The following TENM3 variants were observed in gnomAD, a reference collection of about 807,000 sequenced individuals.
TENM3 encodes teneurin-3.
Under a neutral mutation model 255.1 loss-of-function variants are expected in TENM3, and 63 were observed. That is an observed-to-expected ratio of 0.25 (90% CI 0.20 to 0.30). TENM3 has a LOEUF of 0.30. TENM3 is among the 10% of genes least tolerant of loss of function. The pLI, the probability that TENM3 is intolerant of heterozygous loss-of-function variation, is 1.00. For missense variants in TENM3, 2,929 were observed against 3,461.1 expected (o/e 0.85, Z 3.86); for synonymous variants, 1,306 against 1,322.3 (o/e 0.99, Z 0.27).
chr4:182,247,446 C>T (rs1265533079), intron 1 of TENM3, among the ~76,000 whole-genome samples: 1 of 152,202 alleles, frequency 6.6e-6, no homozygotes. Flanking sequence ...AGGCAGAACT[C>T]ACCCGCCTTA....
chr4:181,729,765 T>C, the TENM3 span, among the ~76,000 whole-genome samples: 1 of 152,164 alleles, frequency 6.6e-6, no homozygotes, highest in Non-Finnish European at 1.5e-5. Context: ...GTCATTGTCT[T>C]TGTCGGAGCC....
At chr4:181,748,589 C>T in the TENM3 span, among the ~76,000 whole-genome samples, 10 of 151,942 alleles carry the variant, frequency 6.6e-5, no homozygotes, top group South Asian at 2.1e-4. Flanking sequence ...AGCCAGAAGG[C>T]GAGTAAAGAA....
chr4:182,551,984 C>T (rs1438867646), intron 3 of TENM3, among the ~76,000 whole-genome samples: 1 of 150,784 alleles, frequency 6.6e-6, no homozygotes. Flanking sequence ...CATCATGACA[C>T]CACTGCACTC....
At chr4:181,723,294 T>C in the TENM3 span, among the ~76,000 whole-genome samples, 2 of 150,824 alleles carry the variant, frequency 1.3e-5, no homozygotes, top group East Asian at 3.9e-4. Flanking sequence ...TGTGACCCTG[T>C]CTTCTTAGAA....
chr4:182,654,706 G>GTGT (rs1444202913), intron 6 of TENM3, among the ~76,000 whole-genome samples: 1 of 151,946 alleles, frequency 6.6e-6, no homozygotes, highest in Non-Finnish European at 1.5e-5. Context: ...TAGTATATTG[G>GTGT]TGTTCAGCTT....
At chr4:182,478,880 C>T (rs1156427095) in intron 3 of TENM3, among the ~76,000 whole-genome samples, 2 of 151,722 alleles carry the variant, frequency 1.3e-5, no homozygotes, top group Non-Finnish European at 2.9e-5. Flanking sequence ...TTTTAAAGTA[C>T]TCCTTTTGTT....
At chr4:181,765,122 T>G in the TENM3 span, among the ~76,000 whole-genome samples, 1 of 152,244 alleles carries the variant, frequency 6.6e-6, no homozygotes, top group Non-Finnish European at 1.5e-5. Flanking sequence ...TCCTACACTA[T>G]TTGATTCAGA....
intron 3 of TENM3, among the ~76,000 whole-genome samples, chr4:182,421,998 T>A (rs895668751): frequency 1.3e-5 from 2 of 152,114 alleles, no homozygotes; most frequent in Non-Finnish European, 2.9e-5. Context: ...AATCCCACTG[T>A]GGTTAGAAAA....
At chr4:181,702,251 C>T in the TENM3 span, among the ~76,000 whole-genome samples, 13 of 152,282 alleles carry the variant, frequency 8.5e-5, no homozygotes, top group African/African-American at 2.9e-4. Context: ...GTCCTTCGGT[C>T]TCAGTAAGAT....
intron 13 of TENM3, among the ~76,000 whole-genome samples, chr4:182,721,237 G>T (rs760840963): frequency 1.6e-4 from 25 of 152,120 alleles, no homozygotes; most frequent in Non-Finnish European, 2.8e-4. Flanking sequence ...AGAAGTCGTG[G>T]TACAGAGATA....
chr4:181,908,733 G>A, the TENM3 span, among the ~76,000 whole-genome samples: 1 of 152,130 alleles, frequency 6.6e-6, no homozygotes, highest in South Asian at 2.1e-4. Flanking sequence ...GGAGTTTGTA[G>A]GAAGTTTAAT....
At chr4:181,938,544 A>G in the TENM3 span, among the ~76,000 whole-genome samples, 1 of 152,236 alleles carries the variant, frequency 6.6e-6, no homozygotes, top group Non-Finnish European at 1.5e-5. Context: ...AGTATCACTT[A>G]GTAGCCGATA....
At chr4:181,480,539 T>TAAG in the TENM3 span, among the ~76,000 whole-genome samples, 3 of 152,078 alleles carry the variant, frequency 2.0e-5, no homozygotes, top group Non-Finnish European at 4.4e-5. Context: ...CCACTATTAA[T>TAAG]AAGTTGGCTG....
chr4:182,107,107 C>G, the TENM3 span, among the ~76,000 whole-genome samples: 1 of 151,834 alleles, frequency 6.6e-6, no homozygotes, highest in South Asian at 2.1e-4. Flanking sequence ...GGCAGGTTCA[C>G]TGTGCGCTGG....
At chr4:181,708,488 G>A in the TENM3 span, among the ~76,000 whole-genome samples, 1 of 151,982 alleles carries the variant, frequency 6.6e-6, no homozygotes, top group African/African-American at 2.4e-5. Flanking sequence ...CAACCTTCAT[G>A]AAGAAAAGGT....
At chr4:181,674,501 C>G in the TENM3 span, among the ~76,000 whole-genome samples, 2 of 151,452 alleles carry the variant, frequency 1.3e-5, no homozygotes, top group Non-Finnish European at 2.9e-5. Context: ...CAAGACTTCT[C>G]AGAAGCCTTA....
intron 12 of TENM3, among the ~76,000 whole-genome samples, chr4:182,710,411 T>C (rs1187855154): frequency 6.6e-6 from 1 of 152,228 alleles, no homozygotes; most frequent in Non-Finnish European, 1.5e-5. Context: ...ATTTTTATTA[T>C]TATAATTTCA....
At chr4:181,804,854 A>T in the TENM3 span, among the ~76,000 whole-genome samples, 1 of 152,018 alleles carries the variant, frequency 6.6e-6, no homozygotes, top group African/African-American at 2.4e-5. Context: ...TTCTGGAGGA[A>T]AAAAAGGAGG....
At chr4:181,934,483 G>A in the TENM3 span, among the ~76,000 whole-genome samples, 13 of 151,952 alleles carry the variant, frequency 8.6e-5, no homozygotes, top group African/African-American at 2.7e-4. Context: ...AGATTTAATC[G>A]GTAGCAGTTC....
Sources: gnomAD v4.1 joint callset for allele counts (sites outside exome capture counted in the v4.1 genomes callset) on GRCh38, gnomAD v4.1.1 for gene constraint, MANE v1.5 for transcripts, NCBI Gene and HGNC (gene_info 2026-07-23, HGNC 2026-07-21) for gene names.